The following SUGCT variants were observed in gnomAD, a reference collection of about 807,000 sequenced individuals.
SUGCT encodes succinyl-CoA:glutarate CoA-transferase.
In SUGCT, 41 loss-of-function variants were observed where a neutral mutation model predicts 55.0. That is an observed-to-expected ratio of 0.74 (90% CI 0.58 to 0.97). The LOEUF is 0.97. Ranked by LOEUF, SUGCT falls within the 50% of genes least tolerant of loss-of-function variation. The pLI is 0.00. For missense variants in SUGCT, 568 were observed against 547.8 expected, an observed-to-expected ratio of 1.04 and a Z score of -0.37; for synonymous variants, 187 against 200.4, an observed-to-expected ratio of 0.93 and a Z score of 0.56.
At chr7:40,257,798 C>T (rs1009188569) in intron 7 of SUGCT, among the ~76,000 whole-genome samples, 2 of 152,060 alleles carry the variant, frequency 1.3e-5, no homozygotes, top group Middle Eastern at 3.4e-3. Flanking sequence ...CACTTGAACC[C>T]GGGAGGTGGA....
the SUGCT span, among the ~76,000 whole-genome samples, chr7:40,959,899 C>A: frequency 6.6e-6 from 1 of 152,164 alleles, no homozygotes; most frequent in African/African-American, 2.4e-5. Flanking sequence ...AAGGCACAGT[C>A]CCTCACGGCT....
At chr7:40,431,307 T>C (rs1787885670) in intron 9 of SUGCT, among the ~76,000 whole-genome samples, 1 of 152,114 alleles carries the variant, frequency 6.6e-6, no homozygotes, top group African/African-American at 2.4e-5. Context: ...GTGTGTCTGT[T>C]TTTAAGGCAA....
chr7:40,655,873 A>C (rs1229580101), intron 12 of SUGCT, among the ~76,000 whole-genome samples: 9 of 152,178 alleles, frequency 5.9e-5, no homozygotes, highest in Admixed American at 5.9e-4. Flanking sequence ...TCTGTGCCAT[A>C]CTACTGATGT....
At chr7:40,369,462 C>T (rs1784176143) in intron 9 of SUGCT, among the ~76,000 whole-genome samples, 1 of 152,134 alleles carries the variant, frequency 6.6e-6, no homozygotes, top group Admixed American at 6.6e-5. Context: ...TGACTTCCCA[C>T]ACCCATGATT....
At chr7:40,429,330 T>C (rs552355716) in intron 9 of SUGCT, among the ~76,000 whole-genome samples, 1 of 152,250 alleles carries the variant, frequency 6.6e-6, no homozygotes, top group Admixed American at 6.5e-5. Context: ...TTAGTCAGGG[T>C]TCTCTAGAGG....
At chr7:40,285,619 C>G (rs1793284409) in intron 8 of SUGCT, among the ~76,000 whole-genome samples, 1 of 152,012 alleles carries the variant, frequency 6.6e-6, no homozygotes, top group African/African-American at 2.4e-5. Context: ...TAGATCATGT[C>G]TCTTTGGTCC....
At chr7:40,969,902 T>C in the SUGCT span, among the ~76,000 whole-genome samples, 2 of 152,262 alleles carry the variant, frequency 1.3e-5, no homozygotes, top group African/African-American at 4.8e-5. Flanking sequence ...TATCCTGTTA[T>C]GGTGTTAGTT....
At chr7:40,890,290 T>A in the SUGCT span, among the ~76,000 whole-genome samples, 4 of 140,904 alleles carry the variant, frequency 2.8e-5, no homozygotes, top group African/African-American at 8.1e-5. Context: ...ATATTTATAT[T>A]ATATAATATA....
At chr7:40,184,305 G>C (rs955010824) in intron 3 of SUGCT, among the ~76,000 whole-genome samples, 3 of 151,548 alleles carry the variant, frequency 2.0e-5, no homozygotes, top group African/African-American at 7.3e-5. Context: ...TTTTGAGACA[G>C]GTCTCACTCT....
chr7:40,630,024 A>C (rs1017565834), intron 12 of SUGCT, among the ~76,000 whole-genome samples: 6 of 152,176 alleles, frequency 3.9e-5, no homozygotes, highest in African/African-American at 1.4e-4. Context: ...CTGTATTGCC[A>C]TTGACTCCTG....
the SUGCT span, among the ~76,000 whole-genome samples, chr7:40,941,020 G>T: frequency 6.6e-6 from 1 of 152,004 alleles, no homozygotes; most frequent in African/African-American, 2.4e-5. Context: ...GTCATATATT[G>T]CTTTTGATAT....
intron 9 of SUGCT, among the ~76,000 whole-genome samples, chr7:40,367,924 C>T (rs762294475): frequency 6.6e-5 from 10 of 152,274 alleles, no homozygotes; most frequent in Non-Finnish European, 1.5e-4. Context: ...TCCCACCATT[C>T]TCCTCCTCCT....
chr7:41,033,734 A>T, the SUGCT span, among the ~76,000 whole-genome samples: 4 of 152,116 alleles, frequency 2.6e-5, no homozygotes, highest in Admixed American at 6.5e-5. Flanking sequence ...TTGAATTAAC[A>T]AGCACCCAAA....
intron 9 of SUGCT, among the ~76,000 whole-genome samples, chr7:40,328,214 A>G (rs1562684543): frequency 6.6e-6 from 1 of 152,236 alleles, no homozygotes; most frequent in African/African-American, 2.4e-5. Flanking sequence ...CTTAATTATG[A>G]CTTAAAAGCA....
At chr7:40,599,324 G>A (rs1798178726) in intron 12 of SUGCT, among the ~76,000 whole-genome samples, 1 of 152,156 alleles carries the variant, frequency 6.6e-6, no homozygotes, top group African/African-American at 2.4e-5. Flanking sequence ...GAAGGGTAAG[G>A]AATGTTTTTA....
intron 13 of SUGCT, among the ~76,000 whole-genome samples, chr7:40,843,294 G>A (rs957589059): frequency 2.0e-5 from 3 of 151,864 alleles, no homozygotes; most frequent in Non-Finnish European, 4.4e-5. Flanking sequence ...GGCAGATCAC[G>A]AGGTCAGGAG....
chr7:40,354,670 C>G (rs1210672962), intron 9 of SUGCT, among the ~76,000 whole-genome samples: 1 of 152,124 alleles, frequency 6.6e-6, no homozygotes, highest in African/African-American at 2.4e-5. Flanking sequence ...ACCAGGAGAT[C>G]AGAGTGGAAT....
the SUGCT span, among the ~76,000 whole-genome samples, chr7:40,912,785 A>T: frequency 6.6e-6 from 1 of 151,956 alleles, no homozygotes; most frequent in Non-Finnish European, 1.5e-5. Flanking sequence ...AAAAAAAAAA[A>T]AAAAAGCTGA....
At chr7:40,864,394 C>G (rs939143249), downstream of SUGCT, among the ~76,000 whole-genome samples, 1 of 152,076 alleles carries the variant, frequency 6.6e-6, no homozygotes, top group Non-Finnish European at 1.5e-5. Flanking sequence ...TCAATTGATC[C>G]GCCCACCTCA....
Sources: allele counts gnomAD v4.1 joint callset (sites outside exome capture counted in the v4.1 genomes callset), GRCh38; gene constraint gnomAD v4.1.1; transcripts MANE v1.5; gene names NCBI Gene and HGNC (gene_info 2026-07-23, HGNC 2026-07-21).